PIK3CD: variants seen among roughly 807,000 people sequenced by gnomAD.
PIK3CD encodes the protein phosphatidylinositol-4,5-bisphosphate 3-kinase catalytic subunit delta.
In PIK3CD, 20 loss-of-function variants were observed where a neutral mutation model predicts 122.9. That is an observed-to-expected ratio of 0.16 (90% confidence interval 0.11 to 0.24). The LOEUF is 0.24. Among genes scored for constraint, PIK3CD ranks in the 10% least tolerant of loss-of-function variants. PIK3CD has a pLI of 1.00. For missense variants in PIK3CD, 787 were observed against 1,406.3 expected (o/e 0.56, Z 7.04); for synonymous variants, 596 against 593.4 (o/e 1.00, Z -0.06).
the PIK3CD span, among the ~76,000 whole-genome samples, chr1:9,642,188 C>T: frequency 6.6e-6 from 1 of 152,052 alleles, no homozygotes; most frequent in Non-Finnish European, 1.5e-5. Context: ...TCTTGGCTCA[C>T]TGCAACCTCC....
At chr1:9,647,251 A>C (rs965994192), upstream of PIK3CD, among the ~76,000 whole-genome samples, 1 of 151,182 alleles carries the variant, frequency 6.6e-6, no homozygotes, top group Non-Finnish European at 1.5e-5. Context: ...CTGTCTCTAC[A>C]AAAAAATTAG....
chr1:9,719,741 C>T lies in PIK3CD; in HGVS notation c.1243-180C>T, dbSNP rs1648185022. Among the ~76,000 whole-genome samples the T allele has an allele frequency of 6.6e-6, 1 of 151,792 alleles. No individual in the cohort carries two copies. Among genetic ancestry groups the T allele is most frequent in the African/African-American group, 2.4e-5 (1 of 41,318 alleles). On this transcript the variant is annotated intron_variant, in intron 9 of 23. Transcript: ENST00000377346. The surrounding 1 kb of genome is among the most constrained non-coding windows in gnomAD (Gnocchi z 5.5). Reference sequence around the variant, plus strand: ...TGTCAGCTGGCTTCACCACTGGAGCCCTCAGAGGAAAGAGGAAAAAGCGGC... The same window carrying T: ...TGTCAGCTGGCTTCACCACTGGAGCTCTCAGAGGAAAGAGGAAAAAGCGGC...
chr1:9,701,311 C>G (rs945959972), intron 2 of PIK3CD, among the ~76,000 whole-genome samples: 2 of 152,126 alleles, frequency 1.3e-5, no homozygotes, highest in African/African-American at 2.4e-5. Context: ...ATTTCTGGCA[C>G]TTAATCAGGC....
At chr1:9,654,491 A>T in intron 1 of PIK3CD, 1 of 449,624 alleles carries the variant, frequency 2.2e-6, no homozygotes, top group South Asian at 5.5e-5. Flanking sequence ...TGCGAAAGCC[A>T]GCCCGCTTTC....
Position 9,720,474 on chromosome 1 carries a change from C to T in PIK3CD, c.1471-137C>T, listed in dbSNP as rs1322371925. ...CTCTTGGCATCTCGTGAGTGGAGGC[C>T]AGAGCTGCTGTGGATGCGCCTCCAT... is the stretch of plus-strand genomic sequence containing the variant. On this transcript the variant is annotated intron_variant, in intron 11 of 23. Transcript: ENST00000377346. This position sits in a 1 kb window ranked among gnomAD's most constrained non-coding sequence, Gnocchi z 9.0. 6.7e-7 allele frequency: 1 copy of T among 1,487,226 alleles called. No individual in the cohort carries two copies. The highest frequency in any genetic ancestry group is 2.2e-5 in the Admixed American group (1 of 46,024). 92.1% of individuals were successfully genotyped at this position (1,487,226 alleles called of 1,614,324 possible).
intron 1 of PIK3CD, among the ~76,000 whole-genome samples, chr1:9,670,921 C>A (rs1645303232): frequency 6.6e-6 from 1 of 151,950 alleles, no homozygotes; most frequent in Non-Finnish European, 1.5e-5. Flanking sequence ...CCACACCCAG[C>A]TAATTTTTGT....
At chr1:9,692,210 G>T (rs930277555) in intron 2 of PIK3CD, among the ~76,000 whole-genome samples, 1 of 152,180 alleles carries the variant, frequency 6.6e-6, no homozygotes, top group African/African-American at 2.4e-5. Context: ...CTCCATGACT[G>T]CGAGACCTGC....
chr1:9,662,435 C>A, intron 1 of PIK3CD: 1 of 155,760 alleles, frequency 6.4e-6, no homozygotes, highest in South Asian at 2.0e-4. Flanking sequence ...CGTATTTCTT[C>A]CTTTAAACCT....
chr1:9,727,590 C>A lies in PIK3CD; in HGVS notation c.*544C>A. ...GTCTTGGGTACGAGAATTCCCTCATCTTTCTCTACTGTAAAGTGATTTTGT... is the reference window on the plus strand; with the variant it reads ...GTCTTGGGTACGAGAATTCCCTCATATTTCTCTACTGTAAAGTGATTTTGT... On this transcript the variant is annotated 3_prime_UTR_variant, in exon 24 of 24. Transcript: ENST00000377346. 1 of 228,588 alleles carries A rather than the reference C, an allele frequency of 4.4e-6. No individual in the cohort carries two copies. The highest frequency in any genetic ancestry group is 6.9e-5 in the East Asian group (1 of 14,598). The allele number at this position is 228,588 out of a possible 1,614,324, so 14.2% of individuals were successfully genotyped here.
At chr1:9,696,208 G>A (rs1038441622) in intron 2 of PIK3CD, among the ~76,000 whole-genome samples, 2 of 152,060 alleles carry the variant, frequency 1.3e-5, no homozygotes, top group Admixed American at 1.3e-4. Flanking sequence ...CTGGGCTCAA[G>A]CAATCCACCC....
chr1:9,719,251 C>T lies in PIK3CD; in HGVS notation c.1242+336C>T, dbSNP rs373285034. 2.6e-5 allele frequency among the ~76,000 whole-genome samples: 4 copies of T among 152,236 alleles called. No homozygotes were observed. The highest frequency in any genetic ancestry group is 2.1e-4 in the South Asian group (1 of 4,836). On this transcript the variant is annotated intron_variant, in intron 9 of 23. Transcript: ENST00000377346. This position sits in a 1 kb window ranked among gnomAD's most constrained non-coding sequence, Gnocchi z 5.5. Reference sequence around the variant, plus strand: ...CCTGAGTCAGCGGCTGGCCGGGAGGCGTAGTGGCTGGGTGCTGAGTCACGG... The same window carrying T: ...CCTGAGTCAGCGGCTGGCCGGGAGGTGTAGTGGCTGGGTGCTGAGTCACGG...
At chr1:9,702,366 AAG>A (rs1172594614) in intron 2 of PIK3CD, among the ~76,000 whole-genome samples, 1 of 152,002 alleles carries the variant, frequency 6.6e-6, no homozygotes, top group Non-Finnish European at 1.5e-5. Context: ...GCCTAGGCTG[AAG>A]AGAGACGCCT....
intron 2 of PIK3CD, among the ~76,000 whole-genome samples, chr1:9,706,326 C>CAA (rs373249969): frequency 2.1e-4 from 25 of 116,874 alleles, no homozygotes; most frequent in East Asian, 9.8e-4. Flanking sequence ...CCCTGTACCT[C>CAA]AAAAAAAAAA....
At chr1:9,635,183 G>A in the PIK3CD span, among the ~76,000 whole-genome samples, 1 of 151,052 alleles carries the variant, frequency 6.6e-6, no homozygotes, top group African/African-American at 2.4e-5. Context: ...ACTGAGGCAG[G>A]AGAATCGCTT....
intron 3 of PIK3CD, among the ~76,000 whole-genome samples, chr1:9,714,053 T>A (rs1169288786): frequency 1.3e-5 from 2 of 152,048 alleles, no homozygotes; most frequent in African/African-American, 4.8e-5. Flanking sequence ...AGTCTTATTA[T>A]GTTGCCCAGG....
intron 2 of PIK3CD, among the ~76,000 whole-genome samples, chr1:9,692,590 C>T (rs4846200): frequency 0.54 from 82,520 of 151,612 alleles, 24,435 homozygotes; most frequent in African/African-American, 0.79. Context: ...ATTAGCTGGG[C>T]GTAGTGGTGG....
At chr1:9,690,446 G>A (rs1273426430) in intron 1 of PIK3CD, among the ~76,000 whole-genome samples, 1 of 152,178 alleles carries the variant, frequency 6.6e-6, no homozygotes, top group Non-Finnish European at 1.5e-5. Context: ...ATTTGTCGTG[G>A]TAACGGGTAT....
At chr1:9,688,729 G>A (rs1461055475) in intron 1 of PIK3CD, among the ~76,000 whole-genome samples, 1 of 152,116 alleles carries the variant, frequency 6.6e-6, no homozygotes, top group Non-Finnish European at 1.5e-5. Context: ...ACGGGAGGCT[G>A]GGGTGAGAGG....
intron 2 of PIK3CD, among the ~76,000 whole-genome samples, chr1:9,698,061 A>C (rs940958423): frequency 6.6e-6 from 1 of 152,082 alleles, no homozygotes; most frequent in Non-Finnish European, 1.5e-5. Flanking sequence ...AAGAAAGAAA[A>C]CCACGTACTT....
Sources: allele counts gnomAD v4.1 joint callset (sites outside exome capture counted in the v4.1 genomes callset), GRCh38; gene constraint gnomAD v4.1.1; non-coding constraint Gnocchi (gnomAD v3.1); transcripts MANE v1.5; gene names NCBI Gene and HGNC (gene_info 2026-07-23, HGNC 2026-07-21).